The following PAK1IP1 variants were observed in gnomAD, a reference collection of about 807,000 sequenced individuals.
The protein encoded by PAK1IP1 is p21-activated protein kinase-interacting protein 1.
A neutral mutation model predicts 42.0 loss-of-function variants in PAK1IP1; 24 were observed. That is an observed-to-expected ratio of 0.57 (90% CI 0.41 to 0.80). The LOEUF (loss-of-function observed/expected upper bound fraction) is 0.80. Among genes scored for constraint, PAK1IP1 ranks in the 30% least tolerant of loss-of-function variants. The probability of loss-of-function intolerance (pLI) is 0.00; values close to 1 mark genes in which losing one functional copy is unlikely to be tolerated. For synonymous variants in PAK1IP1, 154 were observed against 156.7 expected, an observed-to-expected ratio of 0.98 and a Z score of 0.13; for missense variants, 411 against 467.9, an observed-to-expected ratio of 0.88 and a Z score of 1.12.
chr6:10,691,100 TCA>T (rs1251776968), upstream of PAK1IP1, among the ~76,000 whole-genome samples: 2 of 152,202 alleles, frequency 1.3e-5, no homozygotes, highest in African/African-American at 4.8e-5. Flanking sequence ...CTTGAAAAAG[TCA>T]CTTCTCCAGA....
intron 2 of PAK1IP1, among the ~76,000 whole-genome samples, chr6:10,700,162 G>A (rs1769984078): frequency 6.6e-6 from 1 of 152,194 alleles, no homozygotes; most frequent in East Asian, 1.9e-4. Context: ...GGGTTTAAGC[G>A]ATTCTCCTGC....
At chr6:10,702,295 C>A (rs1770051519) in intron 2 of PAK1IP1, 74 bp from the exon 3 acceptor site, 2 of 1,259,944 alleles carry the variant, frequency 1.6e-6, no homozygotes, top group Non-Finnish European at 2.3e-6. Flanking sequence ...CTTAGCATAG[C>A]ATAGCCTTCA....
chr6:10,699,403 A>G (rs996862138), intron 2 of PAK1IP1, among the ~76,000 whole-genome samples: 1 of 152,104 alleles, frequency 6.6e-6, no homozygotes, highest in African/African-American at 2.4e-5. Context: ...AACGATGCCC[A>G]GGCTGTGGGT....
At chr6:10,692,469 G>A (rs904824033), upstream of PAK1IP1, among the ~76,000 whole-genome samples, 3 of 152,042 alleles carry the variant, frequency 2.0e-5, no homozygotes, top group Admixed American at 2.0e-4. Context: ...TTTTGAGACA[G>A]TCTCACTCTT....
intron 1 of PAK1IP1, 70 bp downstream of exon 1, chr6:10,695,139 A>G: frequency 3.2e-6 from 3 of 929,314 alleles, no homozygotes; most frequent in Non-Finnish European, 5.2e-6. Flanking sequence ...CCTACACAGC[A>G]GAGGTGAACA....
At chr6:10,695,159 C>T in intron 1 of PAK1IP1, 90 bp downstream of exon 1, 3 of 750,166 alleles carry the variant, frequency 4.0e-6, no homozygotes, top group Non-Finnish European at 7.0e-6. Flanking sequence ...ATTGGAGCGC[C>T]TGCTGTTCAC....
rs112032151 is a variant in PAK1IP1, at chr6:10,704,742, C to T, written c.643-5C>T. 4.4e-6 allele frequency: 7 copies of T among 1,609,102 alleles called. No individual in the cohort carries two copies. The African/African-American group carries it at 6.7e-5, about 15-fold the overall frequency. ...GATGTTATTACTCTTTTTCCTCTCT[C>T]CTAGGAGTCTGTCCTTGCAGTGGCT... On this transcript the variant is annotated splice_region_variant and splice_polypyrimidine_tract_variant and intron_variant, in intron 6 of 9. Coordinates refer to ENST00000379568, the MANE Select transcript of PAK1IP1 (RefSeq NM_017906.3).
At chr6:10,703,343 T>A in intron 4 of PAK1IP1, 62 bp from the exon 5 acceptor site, 1 of 1,224,772 alleles carries the variant, frequency 8.2e-7, no homozygotes, top group South Asian at 1.3e-5. Flanking sequence ...TTATGCTTGT[T>A]CTTTTACGCT....
At chr6:10,694,166 AG>A (rs1000038898), upstream of PAK1IP1, among the ~76,000 whole-genome samples, 124 of 150,880 alleles carry the variant, frequency 8.2e-4, no homozygotes, top group African/African-American at 2.9e-3. Context: ...AGGCTGAGGC[AG>A]GAGAATTGCT....
chr6:10,699,418 G>A (rs1219384071), intron 2 of PAK1IP1, among the ~76,000 whole-genome samples: 5 of 152,062 alleles, frequency 3.3e-5, no homozygotes, highest in African/African-American at 1.2e-4. Flanking sequence ...GTGGGTGTAG[G>A]GGACTGAAAT....
chr6:10,707,335 A>G, intron 7 of PAK1IP1, 80 bp from the exon 8 acceptor site: 2 of 821,530 alleles, frequency 2.4e-6, no homozygotes, highest in South Asian at 1.4e-5. Flanking sequence ...AGAAAGCACT[A>G]GTCTTTGTGT....
At chr6:10,695,148 C>T (rs1769763981) in intron 1 of PAK1IP1, 79 bp downstream of exon 1, 5 of 826,748 alleles carry the variant, frequency 6.0e-6, no homozygotes, top group Non-Finnish European at 8.1e-6. Flanking sequence ...CAGAGGTGAA[C>T]ATTGGAGCGC....
upstream of PAK1IP1, among the ~76,000 whole-genome samples, chr6:10,691,245 G>A (rs765934393): frequency 5.9e-5 from 9 of 152,188 alleles, no homozygotes; most frequent in South Asian, 2.1e-4. Context: ...CTCAGCCAGC[G>A]AGTTTAAGAA....
intron 1 of PAK1IP1, among the ~76,000 whole-genome samples, chr6:10,696,872 T>G (rs1769877315): frequency 6.6e-6 from 1 of 152,234 alleles, no homozygotes; most frequent in Non-Finnish European, 1.5e-5. Flanking sequence ...GTGTATCAAC[T>G]GCTTGGAATA....
At chr6:10,698,738 G>A (rs1026078161) in intron 2 of PAK1IP1, among the ~76,000 whole-genome samples, 7 of 152,164 alleles carry the variant, frequency 4.6e-5, no homozygotes, top group East Asian at 3.8e-4. Context: ...TGGCAGCTAC[G>A]GATTGAGTAA....
At chr6:10,701,628 A>T (rs1770030078) in intron 2 of PAK1IP1, among the ~76,000 whole-genome samples, 1 of 152,230 alleles carries the variant, frequency 6.6e-6, no homozygotes, top group Non-Finnish European at 1.5e-5. Context: ...AAATGGATCA[A>T]AACAGATCTG....
chr6:10,708,588 G>A (rs1006103913), intron 8 of PAK1IP1, among the ~76,000 whole-genome samples: 4 of 151,770 alleles, frequency 2.6e-5, no homozygotes, highest in African/African-American at 9.7e-5. Flanking sequence ...GTGCAGGTTA[G>A]TTATATATGT....
At chr6:10,707,560 C>T (rs369294212) in intron 8 of PAK1IP1, 46 bp downstream of exon 8, 28 of 1,189,478 alleles carry the variant, frequency 2.4e-5, no homozygotes, top group Non-Finnish European at 3.5e-5. Context: ...ACAAGTCTTG[C>T]TCATAAGTGA....
chr6:10,706,149 T>C (rs1166045563), intron 7 of PAK1IP1, among the ~76,000 whole-genome samples: 5 of 152,034 alleles, frequency 3.3e-5, no homozygotes, highest in African/African-American at 9.7e-5. Context: ...AGTAGAGTGA[T>C]TAAAGATTAA....
Sources: gnomAD v4.1 joint callset for allele counts (sites outside exome capture counted in the v4.1 genomes callset) on GRCh38, gnomAD v4.1.1 for gene constraint, MANE v1.5 for transcripts, NCBI Gene and HGNC (gene_info 2026-07-23, HGNC 2026-07-21) for gene names.